LAMC1: variants seen among roughly 807,000 people sequenced by gnomAD.
LAMC1 encodes laminin subunit gamma 1.
Under a neutral mutation model 173.6 loss-of-function variants are expected in LAMC1, and 38 were observed. That is an observed-to-expected ratio of 0.22 (90% CI 0.17 to 0.29). The LOEUF is 0.29. LAMC1 is among the 10% of genes least tolerant of loss of function. The pLI, the probability that LAMC1 is intolerant of heterozygous loss-of-function variation, is 1.00. For missense variants in LAMC1, 1,824 were observed against 2,051.8 expected (o/e 0.89, Z 2.14); for synonymous variants, 746 against 749.1 (o/e 1.00, Z 0.07).
At chr1:183,067,980 G>A (rs1053728626) in intron 1 of LAMC1, among the ~76,000 whole-genome samples, 1 of 152,100 alleles carries the variant, frequency 6.6e-6, no homozygotes, top group Non-Finnish European at 1.5e-5. Flanking sequence ...GTTGGCTTCG[G>A]ATAAATCTCC....
chr1:183,138,071 C>A, intron 26 of LAMC1: 1 of 308,022 alleles, frequency 3.2e-6, no homozygotes, highest in Non-Finnish European at 4.7e-6. Flanking sequence ...TTGCTTTACA[C>A]GTTTGAGGTT....
chr1:183,087,352 C>T (rs1197081945), intron 1 of LAMC1, among the ~76,000 whole-genome samples: 1 of 152,122 alleles, frequency 6.6e-6, no homozygotes, highest in Non-Finnish European at 1.5e-5. Flanking sequence ...CAAAAACATA[C>T]CTCAAAATAA....
chr1:183,108,777 A>G (rs1220143975), intron 3 of LAMC1, among the ~76,000 whole-genome samples: 3 of 152,246 alleles, frequency 2.0e-5, no homozygotes, highest in Non-Finnish European at 2.9e-5. Context: ...TTACACATGA[A>G]CAGGGTAGGC....
At chr1:183,117,283 A>G (rs1456558544) in intron 8 of LAMC1, 37 bp from the exon 9 acceptor site, 9 of 1,578,088 alleles carry the variant, frequency 5.7e-6, no homozygotes, top group Non-Finnish European at 6.9e-6. Flanking sequence ...GGATGTTTAC[A>G]GTGTAAAGTG....
At chr1:183,117,299 G>C (rs1378332515) in intron 8 of LAMC1, 21 bp from the exon 9 acceptor site, 1 of 1,594,740 alleles carries the variant, frequency 6.3e-7, no homozygotes, top group Non-Finnish European at 8.6e-7. Flanking sequence ...AAGTGCTTGT[G>C]TTTTCCTTCT....
intron 1 of LAMC1, among the ~76,000 whole-genome samples, chr1:183,091,799 C>T (rs1038768667): frequency 1.3e-5 from 2 of 152,056 alleles, no homozygotes; most frequent in Non-Finnish European, 1.5e-5. Context: ...CCCTTATCAT[C>T]GAGAATTGCT....
At chr1:183,114,793 CA>C in intron 5 of LAMC1, 74 bp downstream of exon 5, 1 of 1,454,600 alleles carries the variant, frequency 6.9e-7, no homozygotes, top group South Asian at 1.2e-5. Flanking sequence ...GCTTTGTTTC[CA>C]AGGCATTTGG....
chr1:183,080,943 C>T (rs757780048), intron 1 of LAMC1, among the ~76,000 whole-genome samples: 8 of 152,018 alleles, frequency 5.3e-5, no homozygotes, highest in Non-Finnish European at 1.5e-5. Context: ...GGGTGGAGTG[C>T]GCTGGCGCGA....
chr1:183,050,687 T>C (rs1571409279), intron 1 of LAMC1, among the ~76,000 whole-genome samples: 1 of 146,750 alleles, frequency 6.8e-6, no homozygotes, highest in Admixed American at 6.7e-5. Flanking sequence ...AGGTCAGGAG[T>C]TCGAGACCAG....
rs1219860190 is a variant in LAMC1, at chr1:183,135,023, A to G, written c.4000-19A>G. On this transcript the variant is annotated intron_variant, in intron 23 of 27. Transcript: ENST00000258341. ...ATTTGCTTTGAGGGTTCATCCTCTC[A>G]TCTGCCATGTGTTTGCAGACCGCAG... 5 of 1,588,844 alleles carry G rather than the reference A, an allele frequency of 3.1e-6. No individual in the cohort carries two copies. Among genetic ancestry groups the G allele is most frequent in the African/African-American group, 2.7e-5 (2 of 74,400 alleles).
chr1:183,064,443 A>G (rs1007827879), intron 1 of LAMC1, among the ~76,000 whole-genome samples: 3 of 152,256 alleles, frequency 2.0e-5, no homozygotes, highest in East Asian at 1.9e-4. Context: ...ACTGGCTTCA[A>G]TATGCTTCTG....
At chr1:183,127,686 A>C (rs1220883917) in intron 17 of LAMC1, among the ~76,000 whole-genome samples, 1 of 152,238 alleles carries the variant, frequency 6.6e-6, no homozygotes, top group Non-Finnish European at 1.5e-5. Flanking sequence ...TGATGGATAC[A>C]AAGGAATGAG....
chr1:183,031,937 A>C (rs1653860048), intron 1 of LAMC1, among the ~76,000 whole-genome samples: 1 of 152,008 alleles, frequency 6.6e-6, no homozygotes, highest in African/African-American at 2.4e-5. Flanking sequence ...AGATTAAAGA[A>C]AAAAAAACAC....
chr1:183,116,952 T>G, intron 8 of LAMC1, 49 bp downstream of exon 8: 6 of 1,533,634 alleles, frequency 3.9e-6, no homozygotes, highest in Non-Finnish European at 5.3e-6. Flanking sequence ...AGATTACACT[T>G]AAAATATTTT....
chr1:183,041,483 C>T (rs962561491), intron 1 of LAMC1, among the ~76,000 whole-genome samples: 5 of 152,162 alleles, frequency 3.3e-5, no homozygotes, highest in Non-Finnish European at 7.4e-5. Context: ...GATGTTTATA[C>T]GTCCACTCAC....
chr1:183,099,577 C>T (rs1194627655), intron 1 of LAMC1, among the ~76,000 whole-genome samples: 1 of 152,136 alleles, frequency 6.6e-6, no homozygotes, highest in East Asian at 1.9e-4. Context: ...CATTTTTATT[C>T]TTTTACTTGC....
intron 1 of LAMC1, among the ~76,000 whole-genome samples, chr1:183,056,345 T>C (rs1654595501): frequency 6.6e-6 from 1 of 152,154 alleles, no homozygotes; most frequent in African/African-American, 2.4e-5. Flanking sequence ...ACCCTCTGCT[T>C]CCTTTTCATT....
chr1:183,100,153 G>A (rs1430367584), intron 1 of LAMC1, among the ~76,000 whole-genome samples: 1 of 152,096 alleles, frequency 6.6e-6, no homozygotes, highest in Non-Finnish European at 1.5e-5. Flanking sequence ...ATTGAAAACG[G>A]CTTCCTACAC....
intron 23 of LAMC1, 102 bp downstream of exon 23, chr1:183,134,911 G>A: frequency 7.3e-7 from 1 of 1,367,776 alleles, no homozygotes; most frequent in South Asian, 1.2e-5. Flanking sequence ...AGACCCCAGT[G>A]CTGAGAGAGC....
Sources: allele counts gnomAD v4.1 joint callset (sites outside exome capture counted in the v4.1 genomes callset), GRCh38; gene constraint gnomAD v4.1.1; transcripts MANE v1.5; gene names NCBI Gene and HGNC (gene_info 2026-07-23, HGNC 2026-07-21).